The following ATRNL1 variants were observed in gnomAD, a reference collection of about 807,000 sequenced individuals.
ATRNL1 encodes the protein attractin-like protein 1.
In ATRNL1, 95 loss-of-function variants were observed where a neutral mutation model predicts 182.7. The ratio of observed to expected loss-of-function variants is 0.52; its 90% CI spans 0.44 to 0.62. The LOEUF (loss-of-function observed/expected upper bound fraction) is 0.62. Ranked by LOEUF, ATRNL1 falls within the 20% of genes least tolerant of loss-of-function variation. ATRNL1 has a pLI of 0.00. For synonymous variants in ATRNL1, 576 were observed against 568.3 expected (o/e 1.01, Z -0.19); for missense variants, 1,471 against 1,679.5 (o/e 0.88, Z 2.17).
chr10:115,356,096 A>G (rs1329782567), intron 19 of ATRNL1, among the ~76,000 whole-genome samples: 1 of 152,150 alleles, frequency 6.6e-6, no homozygotes. Flanking sequence ...ACTCAAGGGT[A>G]GTAAAAAGGA....
At chr10:115,620,947 A>G (rs957516492) in intron 26 of ATRNL1, among the ~76,000 whole-genome samples, 2 of 152,038 alleles carry the variant, frequency 1.3e-5, no homozygotes, top group Admixed American at 6.6e-5. Flanking sequence ...AAAAATGCAT[A>G]TTTTACTCCA....
chr10:115,373,166 A>T (rs1857484740), intron 19 of ATRNL1, among the ~76,000 whole-genome samples: 1 of 151,972 alleles, frequency 6.6e-6, no homozygotes, highest in Admixed American at 6.6e-5. Context: ...GTTTTTAGAT[A>T]GTTCACTGTT....
intron 26 of ATRNL1, among the ~76,000 whole-genome samples, chr10:115,612,179 G>A (rs1555019213): frequency 6.6e-6 from 1 of 151,942 alleles, no homozygotes; most frequent in Non-Finnish European, 1.5e-5. Context: ...TTGAACCTGA[G>A]AGGCGGAGGT....
chr10:115,422,342 G>A (rs782620189), intron 20 of ATRNL1, among the ~76,000 whole-genome samples: 1 of 151,960 alleles, frequency 6.6e-6, no homozygotes, highest in Non-Finnish European at 1.5e-5. Context: ...AAATCAACAA[G>A]CAAAAAACGA....
chr10:115,460,436 C>T (rs972379790), intron 21 of ATRNL1, among the ~76,000 whole-genome samples: 20 of 151,974 alleles, frequency 1.3e-4, no homozygotes, highest in Admixed American at 7.9e-4. Flanking sequence ...AAAACTTTGC[C>T]TTTCTTTCTT....
At chr10:115,242,913 T>C (rs1233835924) in intron 10 of ATRNL1, among the ~76,000 whole-genome samples, 1 of 152,056 alleles carries the variant, frequency 6.6e-6, no homozygotes, top group Non-Finnish European at 1.5e-5. Flanking sequence ...CATGAATCAT[T>C]GTTTGAAATT....
At chr10:115,871,068 CT>C (rs1227700946) in intron 28 of ATRNL1, among the ~76,000 whole-genome samples, 1 of 151,978 alleles carries the variant, frequency 6.6e-6, no homozygotes. Flanking sequence ...AAAAGGAATG[CT>C]TTTTTTCAAC....
chr10:115,604,291 G>C (rs1166520230), intron 26 of ATRNL1, among the ~76,000 whole-genome samples: 1 of 152,122 alleles, frequency 6.6e-6, no homozygotes, highest in African/African-American at 2.4e-5. Context: ...GCTTGTTTTT[G>C]AACTTTATTA....
intron 28 of ATRNL1, among the ~76,000 whole-genome samples, chr10:115,858,221 A>G (rs1951230488): frequency 6.6e-6 from 1 of 152,212 alleles, no homozygotes; most frequent in Non-Finnish European, 1.5e-5. Context: ...AAATAATTCT[A>G]TTATAAAGAT....
intron 27 of ATRNL1, among the ~76,000 whole-genome samples, chr10:115,827,347 T>C (rs1950459557): frequency 6.6e-6 from 1 of 152,346 alleles, no homozygotes; most frequent in African/African-American, 2.4e-5. Context: ...CATTGGCTTG[T>C]GTGCTGGGAT....
intron 24 of ATRNL1, among the ~76,000 whole-genome samples, chr10:115,518,623 G>A (rs1554984428): frequency 6.6e-6 from 1 of 151,754 alleles, no homozygotes; most frequent in East Asian, 1.9e-4. Context: ...AAAATATACA[G>A]GGCTAGTAAT....
intron 19 of ATRNL1, among the ~76,000 whole-genome samples, chr10:115,382,401 CTTTTA>C (rs1381569636): frequency 6.6e-6 from 1 of 151,730 alleles, no homozygotes; most frequent in African/African-American, 2.4e-5. Context: ...TCTTGTACTT[CTTTTA>C]TTAAATTATT....
chr10:115,809,934 A>C (rs1436172932), intron 27 of ATRNL1, among the ~76,000 whole-genome samples: 1 of 151,978 alleles, frequency 6.6e-6, no homozygotes, highest in Non-Finnish European at 1.5e-5. Context: ...CAGGTTTTGT[A>C]AGATGGTCTT....
At chr10:115,254,328 C>G (rs1198201497) in intron 10 of ATRNL1, among the ~76,000 whole-genome samples, 1 of 152,180 alleles carries the variant, frequency 6.6e-6, no homozygotes. Context: ...GATTGCCATT[C>G]TAACTGGTGT....
chr10:115,514,683 C>A (rs746240746), intron 24 of ATRNL1, among the ~76,000 whole-genome samples: 2 of 151,734 alleles, frequency 1.3e-5, no homozygotes, highest in African/African-American at 4.8e-5. Flanking sequence ...ACTTATACAC[C>A]ATTTAAATTA....
chr10:115,809,828 C>G (rs1195311572), intron 27 of ATRNL1, among the ~76,000 whole-genome samples: 1 of 151,816 alleles, frequency 6.6e-6, no homozygotes, highest in African/African-American at 2.4e-5. Flanking sequence ...GTCTAGTACA[C>G]TGTGGAATTG....
intron 28 of ATRNL1, among the ~76,000 whole-genome samples, chr10:115,941,047 A>G (rs1555124136): frequency 6.6e-6 from 1 of 152,204 alleles, no homozygotes; most frequent in African/African-American, 2.4e-5. Context: ...TGGCCCATCA[A>G]ATGGGCAGAT....
intron 27 of ATRNL1, among the ~76,000 whole-genome samples, chr10:115,788,325 G>C (rs1176417890): frequency 3.9e-5 from 6 of 152,118 alleles, no homozygotes; most frequent in African/African-American, 1.4e-4. Flanking sequence ...CTTTTATAAA[G>C]AGGCACATCT....
intron 24 of ATRNL1, among the ~76,000 whole-genome samples, chr10:115,483,906 AT>A (rs1224164707): frequency 6.6e-6 from 1 of 151,594 alleles, no homozygotes; most frequent in African/African-American, 2.4e-5. Context: ...AGAGTTTGAC[AT>A]GCTTTTAGGC....
Sources: allele counts gnomAD v4.1 joint callset (sites outside exome capture counted in the v4.1 genomes callset), GRCh38; gene constraint gnomAD v4.1.1; transcripts MANE v1.5; gene names NCBI Gene and HGNC (gene_info 2026-07-23, HGNC 2026-07-21).